PZP: variants seen among roughly 807,000 people sequenced by gnomAD.
PZP encodes pregnancy zone protein.
Under a neutral mutation model 179.8 loss-of-function variants are expected in PZP, and 150 were observed. The observed-to-expected ratio is 0.83, with a 90% CI of 0.73 to 0.96. The LOEUF is 0.96. PZP is among the 40% of genes least tolerant of loss of function. The pLI is 0.00. For synonymous variants in PZP, 624 were observed against 652.3 expected (o/e 0.96, Z 0.66); for missense variants, 1,689 against 1,764.0 (o/e 0.96, Z 0.76).
At chr12:9,185,826 C>CTTTTCTTTTCTTTTCTT in intron 13 of PZP, among the ~76,000 whole-genome samples, 2 of 31,064 alleles carry the variant, frequency 6.4e-5, no homozygotes, top group African/African-American at 1.2e-4. Flanking sequence ...TTTTTTTTTT[C>CTTTTCTTTTCTTTTCTT]TTGACAGAGT....
At chr12:9,180,480 C>T (rs1942685265) in intron 15 of PZP, among the ~76,000 whole-genome samples, 1 of 152,146 alleles carries the variant, frequency 6.6e-6, no homozygotes, top group African/African-American at 2.4e-5. Context: ...GAACAGAGCC[C>T]TCAGAAATAA....
In PZP at chr12:9,148,988, T is replaced by A; in HGVS notation, c.4433A>T (p.Glu1478Val). 1 of 1,611,496 alleles carries A rather than the reference T, an allele frequency of 6.2e-7. No homozygotes were observed. Among genetic ancestry groups the A allele is most frequent in the Non-Finnish European group, 8.5e-7 (1 of 1,177,652 alleles). The change falls in exon 36 of 36, where the codon GAG becomes GTG. Residue 1478 changes from glutamate (E) to valine (V), a missense_variant. Glu to Val is a moderately radical substitution (Grantham distance 121). Coordinates refer to ENST00000261336, the MANE Select transcript of PZP (RefSeq NM_002864.3). Reference sequence around the variant, plus strand: ...GTATGGTCCTCAAACATTTCCATGCTCTGTATCTATGGAGAAAAGAAAAAC... The same window carrying A: ...GTATGGTCCTCAAACATTTCCATGCACTGTATCTATGGAGAAAAGAAAAAC... ...EYIAPCSTDT[E>V]HGNV
chr12:9,150,577 A>G, intron 34 of PZP, 67 bp downstream of exon 34: 1 of 1,059,938 alleles, frequency 9.4e-7, no homozygotes, highest in Non-Finnish European at 1.4e-6. Context: ...TAAGAAGAGG[A>G]TCAACTGTCA....
intron 3 of PZP, 67 bp downstream of exon 3, chr12:9,202,458 T>G: frequency 1.2e-6 from 2 of 1,612,464 alleles, no homozygotes; most frequent in South Asian, 1.1e-5. Context: ...GCTAGGATAA[T>G]GGAGACTTTG....
intron 34 of PZP, 123 bp from the exon 35 acceptor site, chr12:9,149,725 T>C (rs763613895): frequency 3.2e-5 from 25 of 777,260 alleles, no homozygotes; most frequent in Admixed American, 7.8e-5. Context: ...CAAAACTTCA[T>C]GTAAATAGAC....
At chr12:9,138,481 G>A in the PZP span, among the ~76,000 whole-genome samples, 1 of 150,352 alleles carries the variant, frequency 6.7e-6, no homozygotes. Flanking sequence ...TTCTTGTAGT[G>A]TCCTTGTCTG....
At chr12:9,151,363 T>A (rs1209602127) in intron 33 of PZP, among the ~76,000 whole-genome samples, 2 of 152,258 alleles carry the variant, frequency 1.3e-5, no homozygotes, top group Non-Finnish European at 2.9e-5. Flanking sequence ...TTTTTTCTAT[T>A]GATTTTGTAC....
chr12:9,208,194 A>G, intron 1 of PZP, 65 bp downstream of exon 1: 1 of 1,282,488 alleles, frequency 7.8e-7, no homozygotes, highest in South Asian at 1.2e-5. Context: ...AAAGGAAGGC[A>G]AAGCGAAGAC....
intron 17 of PZP, among the ~76,000 whole-genome samples, chr12:9,166,701 T>C (rs1344173567): frequency 6.6e-6 from 1 of 152,264 alleles, no homozygotes; most frequent in Admixed American, 6.5e-5. Context: ...AAACTGTTGT[T>C]CTCTGGGAAA....
the PZP span, among the ~76,000 whole-genome samples, chr12:9,136,668 T>C: frequency 1.3e-5 from 2 of 152,340 alleles, no homozygotes; most frequent in East Asian, 3.9e-4. Context: ...GATTCCAGTT[T>C]TCTCCACATC....
intron 25 of PZP, among the ~76,000 whole-genome samples, 176 bp from the exon 26 acceptor site, chr12:9,158,752 C>CTTTTTTTTTTT (rs200458490): frequency 3.1e-5 from 3 of 97,816 alleles, no homozygotes; most frequent in Non-Finnish European, 5.9e-5. Context: ...TTTTTCTTTT[C>CTTTTTTTTTTT]TTTTCTTTTT....
chr12:9,142,380 A>C, the PZP span, among the ~76,000 whole-genome samples: 1 of 152,204 alleles, frequency 6.6e-6, no homozygotes, highest in Non-Finnish European at 1.5e-5. Flanking sequence ...TCTATGCCAA[A>C]TTTTGACACC....
chr12:9,163,835 C>A, intron 20 of PZP, 46 bp from the exon 21 acceptor site: 1 of 1,588,220 alleles, frequency 6.3e-7, no homozygotes, highest in Non-Finnish European at 8.6e-7. Flanking sequence ...TTTGATAGTC[C>A]AATCACCTTT....
chr12:9,165,086 CA>C, intron 19 of PZP, 52 bp downstream of exon 19: 1 of 1,565,020 alleles, frequency 6.4e-7, no homozygotes, highest in Non-Finnish European at 8.8e-7. Context: ...GCTGACTGAT[CA>C]AAGGAATCTT....
chr12:9,161,055 G>A lies in PZP; in HGVS notation c.2850C>T (p.Ala950=). 6.3e-7 allele frequency: 1 copy of A among 1,599,820 alleles called. No individual in the cohort carries two copies. Among genetic ancestry groups the A allele is most frequent in the Non-Finnish European group, 8.6e-7 (1 of 1,167,078 alleles). ...KLPSNVVKES[A]RASFSVLGDI... ...CACCCAGAACTGAGAAAGAAGCTCT[G>A]GCAGATTCTTTGACCACATTTGATG... is the stretch of plus-strand genomic sequence containing the variant. The change falls in exon 23 of 36, where the codon GCC becomes GCT. Residue 950 remains alanine, a synonymous_variant. Coordinates refer to ENST00000261336, the MANE Select transcript of PZP (RefSeq NM_002864.3).
intron 8 of PZP, 111 bp from the exon 9 acceptor site, chr12:9,196,796 T>A: frequency 1.1e-6 from 1 of 914,340 alleles, no homozygotes; most frequent in Non-Finnish European, 1.7e-6. Context: ...ATTAAGTAAG[T>A]TAATTGACCT....
Position 9,192,494 on chromosome 12 carries a change from C to T in PZP, c.1482+18G>A. 3.1e-6 allele frequency: 5 copies of T among 1,600,012 alleles called. No individual in the cohort carries two copies. Among genetic ancestry groups the T allele is most frequent in the Middle Eastern group, 3.3e-4 (2 of 6,030 alleles). Reference sequence around the variant, plus strand: ...CCTACTGATAAGCTGCAATTGTATTCCATGGCCTCATTCTTACCAGGTAAT... The same window carrying T: ...CCTACTGATAAGCTGCAATTGTATTTCATGGCCTCATTCTTACCAGGTAAT... On this transcript the variant is annotated intron_variant, in intron 12 of 35. Transcript: ENST00000261336.
At chr12:9,186,850 G>A (rs1264993819) in intron 13 of PZP, among the ~76,000 whole-genome samples, 5 of 150,670 alleles carry the variant, frequency 3.3e-5, no homozygotes, top group East Asian at 2.0e-4. Context: ...GGGGCCTGTC[G>A]GGGGTGGGGG....
chr12:9,143,510 G>T, the PZP span, among the ~76,000 whole-genome samples: 595 of 152,186 alleles, frequency 3.9e-3, 6 homozygotes, highest in South Asian at 0.024. Context: ...TCAGAGGAAG[G>T]AGAAACCTGG....
Sources: allele counts gnomAD v4.1 joint callset (sites outside exome capture counted in the v4.1 genomes callset), GRCh38; gene constraint gnomAD v4.1.1; transcripts MANE v1.5; gene names NCBI Gene and HGNC (gene_info 2026-07-23, HGNC 2026-07-21).